The following ROBO2 variants were observed in gnomAD, a reference collection of about 807,000 sequenced individuals.
The protein encoded by ROBO2 is roundabout homolog 2.
In ROBO2, 53 loss-of-function variants were observed where a neutral mutation model predicts 160.8. The observed-to-expected ratio is 0.33, with a 90% CI of 0.26 to 0.41. The LOEUF (loss-of-function observed/expected upper bound fraction) is 0.41, where lower values mean the gene tolerates loss of function less well. Among genes scored for constraint, ROBO2 ranks in the 10% least tolerant of loss-of-function variants. The pLI is 1.00. For synonymous variants in ROBO2, 664 were observed against 611.7 expected (o/e 1.09, Z -1.26); for missense variants, 1,577 against 1,722.4 (o/e 0.92, Z 1.49).
intron 2 of ROBO2, among the ~76,000 whole-genome samples, chr3:76,336,916 TC>T (rs1261440911): frequency 3.9e-5 from 6 of 152,266 alleles, no homozygotes; most frequent in African/African-American, 1.4e-4. Flanking sequence ...TGATTCTAAT[TC>T]CCAAAATTAA....
chr3:77,115,600 A>G (rs1303154098), intron 2 of ROBO2, among the ~76,000 whole-genome samples: 2 of 152,242 alleles, frequency 1.3e-5, no homozygotes, highest in African/African-American at 2.4e-5. Flanking sequence ...CATAGTAAAA[A>G]TAAGCGGAAT....
At chr3:75,931,569 C>T (rs566658648) in intron 1 of ROBO2, among the ~76,000 whole-genome samples, 97 of 152,224 alleles carry the variant, frequency 6.4e-4, no homozygotes, top group African/African-American at 2.3e-3. Flanking sequence ...TCAGACTGGT[C>T]TTAAACTCCT....
intron 2 of ROBO2, among the ~76,000 whole-genome samples, chr3:76,783,958 A>G (rs975609080): frequency 3.3e-5 from 5 of 150,844 alleles, no homozygotes; most frequent in Admixed American, 1.3e-4. Context: ...CAAATTATCT[A>G]TCTTTGAGTT....
intron 2 of ROBO2, among the ~76,000 whole-genome samples, chr3:77,252,968 G>GCT (rs1287632890): frequency 6.6e-6 from 1 of 150,570 alleles, no homozygotes; most frequent in Non-Finnish European, 1.5e-5. Context: ...TTCAAATTAT[G>GCT]CTCTTTTGGA....
chr3:76,447,130 G>T (rs1022189508), intron 2 of ROBO2, among the ~76,000 whole-genome samples: 3 of 152,142 alleles, frequency 2.0e-5, no homozygotes, highest in African/African-American at 7.2e-5. Context: ...GAAAATGTTT[G>T]CAATCTACTC....
rs114586156 is a variant in ROBO2, at chr3:76,572,372, C to T, written c.110-525642C>T. 3.0e-3 allele frequency among the ~76,000 whole-genome samples: 462 copies of T among 152,112 alleles called. 2 individuals are homozygous for T. Among genetic ancestry groups the T allele is most frequent in the African/African-American group, 0.011 (454 of 41,528 alleles). The stretch of plus-strand genomic sequence containing the variant: ...GAGGTAGGGTGGTTGTTTTTCTCTT[C>T]CTTTTTTGTTTTTGTCTTTGTTTGT... On this transcript the variant is annotated intron_variant, in intron 2 of 26. Coordinates refer to the ROBO2 transcript ENST00000487694.
At chr3:77,262,927 A>C (rs1447935120) in intron 2 of ROBO2, among the ~76,000 whole-genome samples, 1 of 152,184 alleles carries the variant, frequency 6.6e-6, no homozygotes, top group East Asian at 1.9e-4. Flanking sequence ...TTTTGCTATA[A>C]ACTAAATGCC....
chr3:76,350,526 A>G (rs1041002667), intron 2 of ROBO2, among the ~76,000 whole-genome samples: 7 of 152,074 alleles, frequency 4.6e-5, no homozygotes, highest in African/African-American at 1.7e-4. Context: ...AACTAGCTTT[A>G]TGAATTTGAA....
At chr3:76,441,116 T>C (rs1699020633) in intron 2 of ROBO2, among the ~76,000 whole-genome samples, 1 of 152,130 alleles carries the variant, frequency 6.6e-6, no homozygotes, top group African/African-American at 2.4e-5. Context: ...AAAAAAAAAG[T>C]CAACCAAGAT....
At chr3:76,952,100 A>C (rs1458748483) in intron 2 of ROBO2, among the ~76,000 whole-genome samples, 1 of 152,152 alleles carries the variant, frequency 6.6e-6, no homozygotes, top group Non-Finnish European at 1.5e-5. Context: ...GAGACTGATG[A>C]CTTTCAGCAG....
intron 2 of ROBO2, among the ~76,000 whole-genome samples, chr3:76,400,780 A>G (rs1294698681): frequency 6.6e-6 from 1 of 151,582 alleles, no homozygotes; most frequent in Non-Finnish European, 1.5e-5. Context: ...ACTTATCATC[A>G]TTAGAATTGA....
At chr3:76,889,278 T>TA (rs1220107415) in intron 2 of ROBO2, among the ~76,000 whole-genome samples, 1 of 152,130 alleles carries the variant, frequency 6.6e-6, no homozygotes, top group Non-Finnish European at 1.5e-5. Flanking sequence ...AAGTAACTCA[T>TA]AAAAAAGAGA....
intron 2 of ROBO2, among the ~76,000 whole-genome samples, chr3:76,157,226 G>T (rs1176777479): frequency 6.6e-6 from 1 of 152,020 alleles, no homozygotes; most frequent in African/African-American, 2.4e-5. Context: ...AATAATACTT[G>T]GCTGATTATT....
intron 2 of ROBO2, among the ~76,000 whole-genome samples, chr3:76,947,643 T>C (rs1397059876): frequency 6.6e-6 from 1 of 151,640 alleles, no homozygotes; most frequent in Non-Finnish European, 1.5e-5. Flanking sequence ...ATTCTTGCAA[T>C]CGATGACATG....
At chr3:76,952,104 T>C (rs2078991635) in intron 2 of ROBO2, among the ~76,000 whole-genome samples, 1 of 152,186 alleles carries the variant, frequency 6.6e-6, no homozygotes, top group South Asian at 2.1e-4. Context: ...CTGATGACTT[T>C]CAGCAGACCT....
At chr3:77,123,046 A>T (rs1213329530) in intron 2 of ROBO2, among the ~76,000 whole-genome samples, 1 of 152,182 alleles carries the variant, frequency 6.6e-6, no homozygotes, top group South Asian at 2.1e-4. Flanking sequence ...CAGCAATAAA[A>T]GCAAAGACAA....
At chr3:76,120,887 G>A (rs183310199) in intron 2 of ROBO2, among the ~76,000 whole-genome samples, 1 of 152,098 alleles carries the variant, frequency 6.6e-6, no homozygotes. Flanking sequence ...AACAATACTT[G>A]CCTGCAATAT....
chr3:77,016,618 C>T (rs1200170403), intron 2 of ROBO2, among the ~76,000 whole-genome samples: 6 of 152,154 alleles, frequency 3.9e-5, no homozygotes, highest in Non-Finnish European at 8.8e-5. Context: ...AACAGTTTCA[C>T]ATGGTTTAAC....
At chr3:76,077,075 T>A (rs2068666681) in intron 2 of ROBO2, among the ~76,000 whole-genome samples, 1 of 152,222 alleles carries the variant, frequency 6.6e-6, no homozygotes, top group Non-Finnish European at 1.5e-5. Flanking sequence ...TTAGTTGTTG[T>A]TGATTATCCC....
Sources: gnomAD v4.1 joint callset for allele counts (sites outside exome capture counted in the v4.1 genomes callset) on GRCh38, gnomAD v4.1.1 for gene constraint, MANE v1.5 for transcripts, NCBI Gene and HGNC (gene_info 2026-07-23, HGNC 2026-07-21) for gene names.